Variants in NTRK2 observed in about 807,000 individuals in gnomAD.
NTRK2 encodes neurotrophic receptor tyrosine kinase 2.
NTRK2 carries 13 observed loss-of-function variants against 94.5 expected under a neutral mutation model. That is an observed-to-expected ratio of 0.14 (90% confidence interval 0.09 to 0.22). The LOEUF is 0.22. Among genes scored for constraint, NTRK2 ranks in the 10% least tolerant of loss-of-function variants. The pLI, the probability that NTRK2 is intolerant of heterozygous loss-of-function variation, is 1.00. For synonymous variants in NTRK2, 372 were observed against 407.4 expected (o/e 0.91, Z 1.05); for missense variants, 639 against 1,071.2 (o/e 0.60, Z 5.63).
intron 12 of NTRK2, among the ~76,000 whole-genome samples, chr9:84,798,909 G>T (rs2069989577): frequency 1.4e-5 from 1 of 69,944 alleles, no homozygotes; most frequent in Non-Finnish European, 2.7e-5. Context: ...ACACTTCTAA[G>T]TGCTATATAT....
At chr9:84,725,083 T>A (rs1469907113) in intron 8 of NTRK2, among the ~76,000 whole-genome samples, 4 of 152,232 alleles carry the variant, frequency 2.6e-5, no homozygotes, top group African/African-American at 4.8e-5. Flanking sequence ...TTGTAAATTC[T>A]GAGCTGGCAC....
intron 12 of NTRK2, among the ~76,000 whole-genome samples, chr9:84,850,457 G>A (rs903916155): frequency 6.6e-6 from 1 of 152,138 alleles, no homozygotes; most frequent in African/African-American, 2.4e-5. Context: ...TGAAATTAAG[G>A]TGATAAAGCT....
At chr9:84,761,984 C>T (rs1434738462) in intron 12 of NTRK2, among the ~76,000 whole-genome samples, 1 of 152,052 alleles carries the variant, frequency 6.6e-6, no homozygotes, top group Non-Finnish European at 1.5e-5. Context: ...CTGTCCCATG[C>T]TGTTCTCGTG....
At chr9:84,751,417 A>C (rs2064597536) in intron 11 of NTRK2, among the ~76,000 whole-genome samples, 1 of 152,108 alleles carries the variant, frequency 6.6e-6, no homozygotes, top group African/African-American at 2.4e-5. Context: ...CTGTCTCTGC[A>C]AAAAAACTTA....
chr9:84,914,985 T>C (rs1564459812), intron 14 of NTRK2, among the ~76,000 whole-genome samples: 1 of 152,144 alleles, frequency 6.6e-6, no homozygotes, highest in Admixed American at 6.5e-5. Flanking sequence ...GGGATGGTTT[T>C]GGGATGAAAC....
chr9:84,865,050 A>C (rs1253633990), intron 13 of NTRK2, among the ~76,000 whole-genome samples: 1 of 152,094 alleles, frequency 6.6e-6, no homozygotes, highest in East Asian at 1.9e-4. Context: ...ACACATCTTC[A>C]TTTTTAATTG....
chr9:84,796,945 G>T (rs2069402121), intron 12 of NTRK2, among the ~76,000 whole-genome samples: 1 of 152,048 alleles, frequency 6.6e-6, no homozygotes, highest in Non-Finnish European at 1.5e-5. Flanking sequence ...GCTTAATTTT[G>T]ATTCCTTTAT....
intron 12 of NTRK2, among the ~76,000 whole-genome samples, chr9:84,850,775 C>T (rs919429967): frequency 2.6e-5 from 4 of 152,150 alleles, no homozygotes; most frequent in Non-Finnish European, 5.9e-5. Context: ...GAGGCAGAAA[C>T]GCCCTTTTGG....
At chr9:84,742,789 G>GTT (rs757253032) in intron 10 of NTRK2, among the ~76,000 whole-genome samples, 1,724 of 103,566 alleles carry the variant, frequency 0.017, 201 homozygotes, top group African/African-American at 0.029. Flanking sequence ...CATTATATTA[G>GTT]TTTTTTTTTT....
intron 12 of NTRK2, among the ~76,000 whole-genome samples, chr9:84,781,943 G>C (rs1264391900): frequency 6.6e-6 from 1 of 151,964 alleles, no homozygotes; most frequent in Non-Finnish European, 1.5e-5. Flanking sequence ...TTTTTTAATG[G>C]AGGAATTTTC....
chr9:84,869,582 C>A (rs569709043), intron 14 of NTRK2, among the ~76,000 whole-genome samples: 5 of 152,010 alleles, frequency 3.3e-5, no homozygotes, highest in Admixed American at 6.6e-5. Flanking sequence ...CCTTTATCTT[C>A]GGTGTATCTG....
intron 12 of NTRK2, among the ~76,000 whole-genome samples, chr9:84,849,953 T>C (rs192137492): frequency 1.3e-5 from 2 of 152,012 alleles, no homozygotes; most frequent in African/African-American, 4.8e-5. Flanking sequence ...GAGTACGGAG[T>C]TGAATAAGAC....
At chr9:84,923,301 C>A (rs2077628964) in intron 14 of NTRK2, among the ~76,000 whole-genome samples, 1 of 152,206 alleles carries the variant, frequency 6.6e-6, no homozygotes, top group Non-Finnish European at 1.5e-5. Context: ...TGGAGCCTTT[C>A]TGAGTTGCCC....
intron 12 of NTRK2, among the ~76,000 whole-genome samples, chr9:84,784,119 G>A (rs1423776304): frequency 3.3e-5 from 5 of 152,184 alleles, no homozygotes; most frequent in Admixed American, 6.5e-5. Flanking sequence ...CTGAGGGAAA[G>A]GCAGAGGGGA....
chr9:84,727,535 A>G (rs1564137450), intron 8 of NTRK2, 119 bp from the exon 9 acceptor site: 1 of 934,382 alleles, frequency 1.1e-6, no homozygotes, highest in Non-Finnish European at 1.7e-6. Flanking sequence ...GTTTCTGATG[A>G]TGTGTTTTTC....
chr9:84,760,710 A>G (rs565208163), intron 12 of NTRK2, among the ~76,000 whole-genome samples: 4 of 152,324 alleles, frequency 2.6e-5, no homozygotes, highest in Non-Finnish European at 5.9e-5. Context: ...AGGTTTTAGC[A>G]GTTTTTCAGG....
chr9:84,847,922 A>G (rs1333585440), intron 12 of NTRK2, among the ~76,000 whole-genome samples: 1 of 152,188 alleles, frequency 6.6e-6, no homozygotes, highest in African/African-American at 2.4e-5. Context: ...CTTAAACAAC[A>G]GACATTTATT....
intron 14 of NTRK2, among the ~76,000 whole-genome samples, chr9:84,916,220 C>A (rs564963975): frequency 6.6e-6 from 1 of 151,884 alleles, no homozygotes; most frequent in Non-Finnish European, 1.5e-5. Flanking sequence ...AAGTAGCATC[C>A]CACCAAGGGC....
At chr9:84,949,408 T>C (rs998330024) in intron 16 of NTRK2, among the ~76,000 whole-genome samples, 1 of 152,068 alleles carries the variant, frequency 6.6e-6, no homozygotes, top group Non-Finnish European at 1.5e-5. Flanking sequence ...TTAGGGTTAG[T>C]GTCATTTGAA....
Sources: gnomAD v4.1 joint callset for allele counts (sites outside exome capture counted in the v4.1 genomes callset) on GRCh38, gnomAD v4.1.1 for gene constraint, MANE v1.5 for transcripts, NCBI Gene and HGNC (gene_info 2026-07-23, HGNC 2026-07-21) for gene names.